Variants in MEGF6 observed in about 807,000 individuals in gnomAD.
MEGF6 encodes the protein multiple epidermal growth factor-like domains protein 6.
Under a neutral mutation model 207.1 loss-of-function variants are expected in MEGF6, and 184 were observed. That is an observed-to-expected ratio of 0.89 (90% CI 0.79 to 1.00). MEGF6 has a LOEUF of 1.00. Ranked by LOEUF, MEGF6 falls within the 50% of genes least tolerant of loss-of-function variation. The probability of loss-of-function intolerance (pLI) is 0.00; values close to 1 mark genes in which losing one functional copy is unlikely to be tolerated. For synonymous variants in MEGF6, 1,038 were observed against 910.0 expected (o/e 1.14, Z -2.53); for missense variants, 2,282 against 2,202.9 (o/e 1.04, Z -0.72).
intron 4 of MEGF6, among the ~76,000 whole-genome samples, chr1:3,579,587 A>T (rs1162494956): frequency 6.6e-6 from 1 of 152,216 alleles, no homozygotes; most frequent in African/African-American, 2.4e-5. Context: ...CTGAGATGAT[A>T]TGCTTCAGCG....
chr1:3,621,243 G>A, the MEGF6 span, among the ~76,000 whole-genome samples: 5 of 152,248 alleles, frequency 3.3e-5, no homozygotes, highest in African/African-American at 9.6e-5. Context: ...AGTAGTGGGT[G>A]CTTTTCCCTT....
chr1:3,576,454 T>C (rs1178263909), intron 4 of MEGF6, among the ~76,000 whole-genome samples: 4 of 152,126 alleles, frequency 2.6e-5, no homozygotes, highest in Admixed American at 2.0e-4. Context: ...AACCAGAAAA[T>C]ATGGCTTTTA....
chr1:3,557,509 T>C (rs1193462559), intron 4 of MEGF6, among the ~76,000 whole-genome samples: 1 of 152,202 alleles, frequency 6.6e-6, no homozygotes, highest in Non-Finnish European at 1.5e-5. Flanking sequence ...CCCACCTCGC[T>C]GGGCGGTTAT....
the MEGF6 span, among the ~76,000 whole-genome samples, chr1:3,620,413 G>T: frequency 6.6e-6 from 1 of 152,248 alleles, no homozygotes; most frequent in South Asian, 2.1e-4. Flanking sequence ...ATCAGCTCCA[G>T]TCAGGGCCAA....
intron 4 of MEGF6, among the ~76,000 whole-genome samples, chr1:3,541,454 A>T (rs1193266837): frequency 6.6e-6 from 1 of 152,198 alleles, no homozygotes; most frequent in Non-Finnish European, 1.5e-5. Context: ...TCCCACAGGA[A>T]GGTCAGAGAA....
In MEGF6 at chr1:3,509,969, G is replaced by T. The variant is rs201995912; in HGVS notation, c.1258C>A (p.Arg420Ser). 184 of 1,584,980 alleles carry T rather than the reference G, an allele frequency of 1.2e-4. No homozygotes were observed. Among genetic ancestry groups the T allele is most frequent in the Middle Eastern group, 3.4e-4 (2 of 5,878 alleles). Residue 420 changes from arginine (R) to serine (S), a missense_variant, in exon 11 of 37, where the codon CGT (arginine) becomes AGT (serine). Transcript: ENST00000356575. ...GTGCAGTGGTGCTCGCAGCCGCCAC[G>T]GCTGGAGGCGCACTCATCCACATCT... ...CEDVDECASS[R>S]GGCEHHCTNL...
intron 4 of MEGF6, among the ~76,000 whole-genome samples, chr1:3,531,855 AG>A (rs1225613620): frequency 6.6e-6 from 1 of 151,214 alleles, no homozygotes; most frequent in Non-Finnish European, 1.5e-5. Flanking sequence ...GGGGGCCTGC[AG>A]AGGCGGCTGG....
intron 1 of MEGF6, among the ~76,000 whole-genome samples, chr1:3,607,422 A>AC (rs1331542946): frequency 6.6e-6 from 1 of 151,996 alleles, no homozygotes; most frequent in African/African-American, 2.4e-5. Flanking sequence ...TCTTGCAGTG[A>AC]CCCCCAACAA....
chr1:3,522,657 G>A (rs1291420055), intron 5 of MEGF6, among the ~76,000 whole-genome samples: 1 of 152,040 alleles, frequency 6.6e-6, no homozygotes, highest in Non-Finnish European at 1.5e-5. Context: ...GGGTTTCAGG[G>A]AAGGTCACCA....
Position 3,557,816 on chromosome 1 carries a change from G to A in MEGF6, c.481+22009C>T, listed in dbSNP as rs915490548. Among the ~76,000 whole-genome samples, 15 of 152,222 alleles carry A rather than the reference G, an allele frequency of 9.9e-5. No individual in the cohort carries two copies. The East Asian group carries it at 1.2e-3, about 12-fold the overall frequency. On this transcript the variant is annotated intron_variant, in intron 4 of 36. Transcript: ENST00000356575. Reference sequence around the variant, plus strand: ...AAGAAGCGGCCCGTGGGCAGACGTCGTTTGCACAGGCTCAGGGAAAACCGT... The same window carrying A: ...AAGAAGCGGCCCGTGGGCAGACGTCATTTGCACAGGCTCAGGGAAAACCGT...
chr1:3,540,335 A>G (rs2101496688), intron 4 of MEGF6, among the ~76,000 whole-genome samples: 1 of 152,346 alleles, frequency 6.6e-6, no homozygotes, highest in Non-Finnish European at 1.5e-5. Flanking sequence ...CCTGGAAGGA[A>G]CACACCTTGC....
At chr1:3,569,096 C>T (rs1285215086) in intron 4 of MEGF6, among the ~76,000 whole-genome samples, 3 of 152,190 alleles carry the variant, frequency 2.0e-5, no homozygotes, top group Admixed American at 1.3e-4. Context: ...AGAGGGAGCT[C>T]CTGCAGCCGA....
chr1:3,607,700 C>T (rs879847931), intron 1 of MEGF6, among the ~76,000 whole-genome samples: 10 of 152,238 alleles, frequency 6.6e-5, no homozygotes, highest in Admixed American at 4.6e-4. Flanking sequence ...GAGTCCCAGG[C>T]CTTTCTGTTC....
chr1:3,561,726 TG>T (rs1643208168), intron 4 of MEGF6, among the ~76,000 whole-genome samples: 1 of 151,910 alleles, frequency 6.6e-6, no homozygotes, highest in South Asian at 2.1e-4. Flanking sequence ...AAACACGGGG[TG>T]GGGTGGCGGG....
intron 4 of MEGF6, among the ~76,000 whole-genome samples, chr1:3,528,611 T>C (rs968805241): frequency 1.3e-5 from 2 of 152,044 alleles, no homozygotes; most frequent in African/African-American, 4.8e-5. Context: ...AGGGTCCTTA[T>C]AAGAGGGAGG....
chr1:3,607,671 G>GTGACCTT, intron 1 of MEGF6, among the ~76,000 whole-genome samples: 1 of 152,334 alleles, frequency 6.6e-6, no homozygotes, highest in African/African-American at 2.4e-5. Flanking sequence ...AAAGCACCTG[G>GTGACCTT]TGACCTTTGA....
chr1:3,496,107 G>C (rs925279411), intron 29 of MEGF6, 89 bp from the exon 30 acceptor site: 1 of 1,424,118 alleles, frequency 7.0e-7, no homozygotes, highest in Non-Finnish European at 9.2e-7. Flanking sequence ...GGATGGGATG[G>C]GGTGAGGGGA....
chr1:3,599,928 C>T (rs963217318), intron 2 of MEGF6, among the ~76,000 whole-genome samples: 2 of 152,222 alleles, frequency 1.3e-5, no homozygotes, highest in Non-Finnish European at 2.9e-5. Flanking sequence ...CCAGGAAATA[C>T]TGTCAGCTCA....
intron 3 of MEGF6, among the ~76,000 whole-genome samples, chr1:3,583,869 C>T (rs1441725677): frequency 1.1e-4 from 17 of 150,804 alleles, no homozygotes; most frequent in South Asian, 2.1e-4. Flanking sequence ...CCAGACAACG[C>T]GCAGCCACCA....
Sources: allele counts gnomAD v4.1 joint callset (sites outside exome capture counted in the v4.1 genomes callset), GRCh38; gene constraint gnomAD v4.1.1; transcripts MANE v1.5; gene names NCBI Gene and HGNC (gene_info 2026-07-23, HGNC 2026-07-21).